SORBS2: variants seen among roughly 807,000 people sequenced by gnomAD.
SORBS2 encodes sorbin and SH3 domain-containing protein 2.
Under a neutral mutation model 97.7 loss-of-function variants are expected in SORBS2, and 46 were observed. That is an observed-to-expected ratio of 0.47 (90% CI 0.37 to 0.60). The LOEUF is 0.60. SORBS2 is among the 20% of genes least tolerant of loss of function. The probability of loss-of-function intolerance (pLI) is 0.00; values close to 1 mark genes in which losing one functional copy is unlikely to be tolerated. For missense variants in SORBS2, 1,316 were observed against 1,282.3 expected (o/e 1.03, Z -0.40); for synonymous variants, 476 against 473.4 (o/e 1.01, Z -0.07).
chr4:185,724,207 CT>C (rs200173590), intron 2 of SORBS2, among the ~76,000 whole-genome samples: 2 of 151,436 alleles, frequency 1.3e-5, no homozygotes, highest in African/African-American at 2.4e-5. Context: ...TCAGTATTGG[CT>C]TTTTTTTGAT....
intron 1 of SORBS2, among the ~76,000 whole-genome samples, chr4:185,846,197 C>T (rs1489589829): frequency 2.6e-5 from 4 of 152,198 alleles, no homozygotes; most frequent in African/African-American, 4.8e-5. Flanking sequence ...TACATCCATA[C>T]AACAGAATGT....
intron 1 of SORBS2, among the ~76,000 whole-genome samples, chr4:185,878,445 A>G (rs1188865795): frequency 6.6e-6 from 1 of 152,066 alleles, no homozygotes; most frequent in Non-Finnish European, 1.5e-5. Flanking sequence ...ATCTTGGTAA[A>G]TGACACCTCC....
At chr4:185,822,103 C>G (rs12504307) in intron 1 of SORBS2, among the ~76,000 whole-genome samples, 72,923 of 152,168 alleles carry the variant, frequency 0.48, 18,556 homozygotes, top group East Asian at 0.73. Context: ...ATTTCATCCT[C>G]TATCACTCTG....
At position 185,745,624 on chromosome 4, in the gene SORBS2, G is replaced by A. The variant is rs375235781; in HGVS notation, c.-198+29603C>T. ...ACACTATACTTAATAGCTATATTTA[G>A]TAGAATACTTAGATTAATACTTGGA... is the stretch of plus-strand genomic sequence containing the variant. On this transcript the variant is annotated intron_variant, in intron 2 of 20. Coordinates refer to the SORBS2 transcript ENST00000284776. Among the ~76,000 whole-genome samples, 4 of 152,256 alleles carry A rather than the reference G, an allele frequency of 2.6e-5. No individual in the cohort carries two copies. The South Asian group carries it at 6.2e-4, about 24-fold the overall frequency.
intron 1 of SORBS2, among the ~76,000 whole-genome samples, chr4:185,914,512 T>C (rs1376778246): frequency 1.3e-5 from 2 of 152,240 alleles, no homozygotes; most frequent in African/African-American, 2.4e-5. Context: ...TTATTCACCA[T>C]TGGCTTAGAA....
intron 1 of SORBS2, among the ~76,000 whole-genome samples, chr4:185,920,492 A>G (rs569169745): frequency 6.6e-6 from 1 of 152,328 alleles, no homozygotes; most frequent in South Asian, 2.1e-4. Flanking sequence ...TTGCATCGCC[A>G]TACAAAGTAC....
intron 4 of SORBS2, among the ~76,000 whole-genome samples, chr4:185,632,871 A>G (rs1178198080): frequency 1.3e-5 from 2 of 152,232 alleles, no homozygotes; most frequent in East Asian, 3.8e-4. Flanking sequence ...GGTTTCATGT[A>G]CACTCAGAGA....
chr4:185,592,839 A>T (rs2095985599), intron 13 of SORBS2: 1 of 152,190 alleles, frequency 6.6e-6, no homozygotes, highest in Admixed American at 6.5e-5. Context: ...ACTGCACCTA[A>T]CCTTCAGTGA....
chr4:185,952,087 A>T (rs907753246), intron 1 of SORBS2, among the ~76,000 whole-genome samples: 2 of 151,760 alleles, frequency 1.3e-5, no homozygotes, highest in East Asian at 1.9e-4. Flanking sequence ...TGCAGTGGCA[A>T]GATCTCGGCT....
chr4:185,947,344 G>T (rs962858463), intron 1 of SORBS2, among the ~76,000 whole-genome samples: 1 of 152,170 alleles, frequency 6.6e-6, no homozygotes, highest in Non-Finnish European at 1.5e-5. Flanking sequence ...CCTGGGCTTT[G>T]CATTTCTTGA....
chr4:185,674,696 C>T (rs2097767793), intron 4 of SORBS2, among the ~76,000 whole-genome samples: 1 of 152,096 alleles, frequency 6.6e-6, no homozygotes, highest in Admixed American at 6.6e-5. Context: ...ACCTCACTTA[C>T]TTCCTCTCCC....
Position 185,804,862 on chromosome 4 carries a change from T to G in SORBS2, c.-337-29496A>C, listed in dbSNP as rs554547539. Among the ~76,000 whole-genome samples the G allele has an allele frequency of 2.7e-3, 385 of 144,046 alleles. 1 individual carries two copies. The highest frequency in any genetic ancestry group is 5.3e-3 in the Non-Finnish European group (342 of 64,506). 94.5% of individuals were successfully genotyped at this position (144,046 alleles called of 152,430 possible). ...GATTGACTGTGTAAGGTCTTGCAGC[T>G]TCTATGGTTTTTTTTAACTTGAAAA... is the stretch of plus-strand genomic sequence containing the variant. On this transcript the variant is annotated intron_variant, in intron 1 of 20. Coordinates refer to the SORBS2 transcript ENST00000284776.
chr4:185,918,701 T>A (rs1216759421), intron 1 of SORBS2, among the ~76,000 whole-genome samples: 1 of 152,220 alleles, frequency 6.6e-6, no homozygotes, highest in Non-Finnish European at 1.5e-5. Flanking sequence ...CTACAATAGC[T>A]CTTGCATTTG....
At chr4:185,651,928 C>G (rs2097321816) in intron 2 of SORBS2, 100 bp from the exon 11 acceptor site, 1 of 715,656 alleles carries the variant, frequency 1.4e-6, no homozygotes, top group Admixed American at 2.4e-5. Context: ...GTTAGAAAAG[C>G]AACGTATTTT....
intron 1 of SORBS2, among the ~76,000 whole-genome samples, chr4:185,820,297 G>A (rs941561862): frequency 2.6e-5 from 4 of 152,220 alleles, no homozygotes; most frequent in Admixed American, 2.0e-4. Flanking sequence ...ACAGCGCGGC[G>A]CTGTGTGAAC....
intron 1 of SORBS2, among the ~76,000 whole-genome samples, chr4:185,870,020 G>A (rs2099229515): frequency 6.6e-6 from 1 of 152,158 alleles, no homozygotes; most frequent in Admixed American, 6.5e-5. Flanking sequence ...ATTGTTTACT[G>A]AGGGAGTAAG....
intron 2 of SORBS2, among the ~76,000 whole-genome samples, chr4:185,753,250 G>T (rs2098812108): frequency 6.6e-6 from 1 of 152,108 alleles, no homozygotes. Context: ...AAATAAAAAA[G>T]GTTTTGGGGA....
At position 185,713,871 on chromosome 4, in the gene SORBS2, G is replaced by A. The variant is rs188356392; in HGVS notation, c.-197-35049C>T. ...CTGCACACCATTATTTGCCTTTGTC[G>A]TTTTGTGTGAAACTAGACAAACATC... On this transcript the variant is annotated intron_variant, in intron 2 of 20. Transcript: ENST00000284776. Among the ~76,000 whole-genome samples, 24 of 152,190 alleles carry A rather than the reference G, an allele frequency of 1.6e-4. 1 individual carries two copies. Among genetic ancestry groups the A allele is most frequent in the South Asian group, 8.3e-4 (4 of 4,824 alleles).
At chr4:185,894,575 C>T (rs1019402941) in intron 1 of SORBS2, among the ~76,000 whole-genome samples, 7 of 152,190 alleles carry the variant, frequency 4.6e-5, no homozygotes, top group African/African-American at 1.4e-4. Context: ...ACTTGACCAG[C>T]CGTGTCACAA....
Sources: gnomAD v4.1 joint callset for allele counts (sites outside exome capture counted in the v4.1 genomes callset) on GRCh38, gnomAD v4.1.1 for gene constraint, MANE v1.5 for transcripts, NCBI Gene and HGNC (gene_info 2026-07-23, HGNC 2026-07-21) for gene names.